CLIP2: variants seen among roughly 807,000 people sequenced by gnomAD.
CLIP2 encodes CAP-Gly domain containing linker protein 2, also known as CAP-Gly domain-containing linker protein 2.
CLIP2 carries 41 observed loss-of-function variants against 111.7 expected under a neutral mutation model. That is an observed-to-expected ratio of 0.37 (90% CI 0.29 to 0.48). CLIP2 has a LOEUF of 0.48. Ranked by LOEUF, CLIP2 falls within the 20% of genes least tolerant of loss-of-function variation. The pLI is 0.99. For missense variants in CLIP2, 1,160 were observed against 1,422.1 expected (o/e 0.82, Z 2.96); for synonymous variants, 660 against 644.2 (o/e 1.02, Z -0.37).
chr7:74,310,255 C>T (rs1189792378), intron 1 of CLIP2, among the ~76,000 whole-genome samples: 4 of 150,084 alleles, frequency 2.7e-5, no homozygotes, highest in Middle Eastern at 3.7e-3. Flanking sequence ...CTGGTCATGG[C>T]GGCTCAATCC....
At chr7:74,362,203 C>T (rs951261051) in intron 7 of CLIP2, among the ~76,000 whole-genome samples, 1 of 152,176 alleles carries the variant, frequency 6.6e-6, no homozygotes, top group African/African-American at 2.4e-5. Flanking sequence ...CCTGGGTCAC[C>T]TCCTTGTAGG....
In CLIP2 at chr7:74,373,004, G is replaced by A. The variant is rs370792041; in HGVS notation, c.1453G>A (p.Glu485Lys). Residue 485 changes from glutamate (E) to lysine (K), a missense_variant, in exon 9 of 17, where the codon GAG becomes AAG. By Grantham distance (56) the Glu-to-Lys change is moderately conservative. Around this residue, in one of 5 missense-constraint regions of CLIP2, gnomAD observed 676 missense variants for 777.8 expected, o/e 0.87. Transcript: ENST00000223398. ...QSLLLEKAQA[E>K]RLLRELADNR... ...CCTGCTACTGGAGAAGGCGCAGGCC[G>A]AGCGGCTGCTCCGAGAATTAGCGGA... is the stretch of plus-strand genomic sequence containing the variant. The A allele has an allele frequency of 1.8e-5, 28 of 1,592,780 alleles. No homozygotes were observed. Among genetic ancestry groups the A allele is most frequent in the East Asian group, 9.1e-5 (4 of 44,126 alleles).
At chr7:74,366,098 G>C (rs931722821) in intron 8 of CLIP2, among the ~76,000 whole-genome samples, 14 of 151,930 alleles carry the variant, frequency 9.2e-5, no homozygotes, top group African/African-American at 3.1e-4. Flanking sequence ...TTAAAAGTCA[G>C]AAATAAAAGC....
chr7:74,290,450 C>A (rs1043920807), intron 1 of CLIP2, among the ~76,000 whole-genome samples: 1 of 152,234 alleles, frequency 6.6e-6, no homozygotes, highest in Non-Finnish European at 1.5e-5. Flanking sequence ...CCTTCAGGGC[C>A]CGCCCGTTTG....
chr7:74,353,670 C>T (rs1554307962), intron 3 of CLIP2, among the ~76,000 whole-genome samples: 1 of 152,212 alleles, frequency 6.6e-6, no homozygotes, highest in Non-Finnish European at 1.5e-5. Flanking sequence ...GTCTTCAAAG[C>T]CTGTGCCCTT....
At chr7:74,353,150 CA>C (rs563800750) in intron 3 of CLIP2, among the ~76,000 whole-genome samples, 24 of 138,952 alleles carry the variant, frequency 1.7e-4, no homozygotes, top group Admixed American at 2.9e-4. Flanking sequence ...GACCCTATCT[CA>C]AAAAAAAAAG....
At chr7:74,308,465 ATCAT>A (rs1198867557) in intron 1 of CLIP2, among the ~76,000 whole-genome samples, 2 of 152,106 alleles carry the variant, frequency 1.3e-5, no homozygotes, top group Non-Finnish European at 2.9e-5. Context: ...TTGGGTAAGT[ATCAT>A]TCATTCATTC....
intron 1 of CLIP2, among the ~76,000 whole-genome samples, chr7:74,301,467 C>T (rs1788332647): frequency 6.6e-6 from 1 of 152,174 alleles, no homozygotes; most frequent in Admixed American, 6.6e-5. Context: ...ACTGCAACCT[C>T]CACCTCCAGG....
At chr7:74,364,433 G>C (rs1448586057) in intron 8 of CLIP2, 118 bp downstream of exon 8, 2 of 798,980 alleles carry the variant, frequency 2.5e-6, no homozygotes, top group African/African-American at 3.5e-5. Flanking sequence ...GGGGCTGGGG[G>C]GGAAAATGGG....
rs141071723 is a variant in CLIP2 at position 74,362,052 on chromosome 7, G to T, written c.1319+1774G>T. Among the ~76,000 whole-genome samples the T allele has an allele frequency of 6.3e-3, 945 of 149,732 alleles. 9 individuals are homozygous for T. Among genetic ancestry groups the T allele is most frequent in the African/African-American group, 0.022 (887 of 40,570 alleles). On this transcript the variant is annotated intron_variant, in intron 7 of 16. Transcript: ENST00000223398. ...GGAGGTGGAGGTTGCAGTGAACCGAGATCACACCACTACAGTACAGCTGGG... is the reference window on the plus strand; with the variant it reads ...GGAGGTGGAGGTTGCAGTGAACCGATATCACACCACTACAGTACAGCTGGG...
chr7:74,307,396 A>G (rs1788523804), intron 1 of CLIP2, among the ~76,000 whole-genome samples: 1 of 152,232 alleles, frequency 6.6e-6, no homozygotes, highest in Non-Finnish European at 1.5e-5. Context: ...GCACTCGGGA[A>G]GCTCCACCTG....
rs928152623 is a variant in CLIP2 at position 74,397,208 on chromosome 7, G to T, written c.2855G>T (p.Gly952Val). 4 of 1,613,694 alleles carry T rather than the reference G, an allele frequency of 2.5e-6. No individual in the cohort carries two copies. The highest frequency in any genetic ancestry group is 2.7e-5 in the African/African-American group (2 of 74,832). ...CAGAAACTCAAGGATGACATCCGGG[G>T]CCTGCGTGAAAAGCTGACCGGGCTG... is the stretch of plus-strand genomic sequence containing the variant. ...KEQKLKDDIR[G>V]LREKLTGLDK... The change falls in exon 14 of 17, where the codon GGC (glycine) becomes GTC (valine). Residue 952 changes from glycine (G) to valine (V), a missense_variant. Physicochemically the swap from Gly to Val is moderately radical, Grantham distance 109. This residue lies in a region of CLIP2 where 676 missense variants were observed against 777.8 expected (regional missense o/e 0.87). Transcript: ENST00000223398.
At chr7:74,300,135 C>T (rs1194972537) in intron 1 of CLIP2, among the ~76,000 whole-genome samples, 3 of 151,898 alleles carry the variant, frequency 2.0e-5, no homozygotes, top group East Asian at 1.9e-4. Context: ...TTCAGGTATG[C>T]ACCACCACAC....
At position 74,360,298 on chromosome 7, in the gene CLIP2, C is replaced by G; in HGVS notation, c.1319+20C>G. ...GAGGAGGTACGTGCTGGCCCACCCTCGCCCTGGCCCTGAGTCCCCTTAAGG... is the reference window on the plus strand; with the variant it reads ...GAGGAGGTACGTGCTGGCCCACCCTGGCCCTGGCCCTGAGTCCCCTTAAGG... On this transcript the variant is annotated intron_variant, in intron 7 of 16. Coordinates refer to ENST00000223398, the MANE Select transcript of CLIP2 (RefSeq NM_003388.5). The G allele has an allele frequency of 6.4e-7, 1 of 1,554,458 alleles. No homozygotes were observed. The highest frequency in any genetic ancestry group is 8.7e-7 in the Non-Finnish European group (1 of 1,142,900).
chr7:74,361,221 C>CT (rs1554309721), intron 7 of CLIP2, among the ~76,000 whole-genome samples: 9 of 47,220 alleles, frequency 1.9e-4, no homozygotes, highest in Non-Finnish European at 5.9e-5. Context: ...CCCTCCCTCC[C>CT]TTTTTCTTTC....
At chr7:74,355,316 AAGCTGG>A (rs1790115423) in intron 4 of CLIP2, among the ~76,000 whole-genome samples, 1 of 152,082 alleles carries the variant, frequency 6.6e-6, no homozygotes, top group African/African-American at 2.4e-5. Context: ...AGTGAATCAG[AAGCTGG>A]ATGGGGGCCA....
Position 74,403,914 on chromosome 7 carries a change from C to G in CLIP2, c.*66C>G. 1 of 1,552,252 alleles carries G rather than the reference C, an allele frequency of 6.4e-7. No individual in the cohort carries two copies. The highest frequency in any genetic ancestry group is 8.9e-7 in the Non-Finnish European group (1 of 1,127,506). On this transcript the variant is annotated 3_prime_UTR_variant, in exon 17 of 17. Transcript: ENST00000223398. ...GCCCCACGCGGCTGCCCGGCAGTAC[C>G]TCCTCCAGGCAGGAGCCGGGACTGT... is the stretch of plus-strand genomic sequence containing the variant.
Position 74,338,481 on chromosome 7 carries a change from C to T in CLIP2, c.155C>T (p.Ser52Phe), listed in dbSNP as rs1554732579. ...CTGCACAAACAGTCATCTGGACCCT[C>T]CTCCTCCCCGGCCGCAGCTGCTGCC... The part of the protein sequence containing the change: ...SPLHKQSSGP[S>F]SSPAAAAAPE... Residue 52 changes from serine to phenylalanine, a missense_variant, in exon 3 of 17, where the codon TCC becomes TTC. Ser to Phe is a radical substitution (Grantham distance 155, BLOSUM62 -2). Around this residue, in one of 5 missense-constraint regions of CLIP2, gnomAD observed 301 missense variants for 315.2 expected, o/e 0.96. Coordinates refer to ENST00000223398, the MANE Select transcript of CLIP2 (RefSeq NM_003388.5). This position sits in a 1 kb window ranked among gnomAD's most constrained non-coding sequence, Gnocchi z 4.3. 6 of 1,612,562 alleles carry T rather than the reference C, an allele frequency of 3.7e-6. No individual in the cohort carries two copies. The highest frequency in any genetic ancestry group is 4.2e-6 in the Non-Finnish European group (5 of 1,179,800).
At chr7:74,307,054 C>A (rs977215247) in intron 1 of CLIP2, among the ~76,000 whole-genome samples, 1 of 152,224 alleles carries the variant, frequency 6.6e-6, no homozygotes, top group African/African-American at 2.4e-5. Context: ...GGCAGGTGGC[C>A]TCCCCCTTCT....
Sources: allele counts gnomAD v4.1 joint callset (sites outside exome capture counted in the v4.1 genomes callset), GRCh38; gene constraint gnomAD v4.1.1; regional missense constraint gnomAD v4.1.1; non-coding constraint Gnocchi (gnomAD v3.1); transcripts MANE v1.5; gene names NCBI Gene and HGNC (gene_info 2026-07-23, HGNC 2026-07-21).